CLEC7A: variants seen among roughly 807,000 people sequenced by gnomAD.
CLEC7A encodes C-type lectin domain family 7 member A.
A neutral mutation model predicts 26.9 loss-of-function variants in CLEC7A; 25 were observed. That is an observed-to-expected ratio of 0.93 (90% CI 0.68 to 1.30). The LOEUF (loss-of-function observed/expected upper bound fraction) is 1.30. CLEC7A is among the 50% of genes most tolerant of loss of function. The pLI, the probability that CLEC7A is intolerant of heterozygous loss-of-function variation, is 0.00. For synonymous variants in CLEC7A, 100 were observed against 99.5 expected, an observed-to-expected ratio of 1.01 and a Z score of -0.03; for missense variants, 275 against 286.7, an observed-to-expected ratio of 0.96 and a Z score of 0.29.
intron 1 of CLEC7A, 46 bp from the exon 2 acceptor site, chr12:10,127,891 C>T (rs563778232): frequency 2.0e-5 from 26 of 1,297,140 alleles, no homozygotes; most frequent in East Asian, 1.0e-4. Flanking sequence ...AAGAGAATGA[C>T]GGATGGTGGG....
Position 10,125,372 on chromosome 12 carries a change from A to G in CLEC7A, c.417T>C (p.Asn139=). Residue 139 remains asparagine, a synonymous_variant, in exon 4 of 6, where the codon AAT becomes AAC. Coordinates refer to ENST00000304084, the MANE Select transcript of CLEC7A (RefSeq NM_197947.3). ...KSCYLFSMSL[N]SWDGSKRQCW... ...ATTGTCTTTTACTTCCATCCCAGGA[A>G]TTTAGTGACATGCTGAATAGATAAC... 6.2e-7 allele frequency: 1 copy of G among 1,613,652 alleles called. No individual in the cohort carries two copies. Among genetic ancestry groups the G allele is most frequent in the African/African-American group, 1.3e-5 (1 of 75,032 alleles).
intron 1 of CLEC7A, among the ~76,000 whole-genome samples, chr12:10,128,233 CACACACACACACA>C (rs1948368719): frequency 2.1e-5 from 3 of 144,554 alleles, no homozygotes; most frequent in Non-Finnish European, 4.4e-5. Flanking sequence ...CACACACACA[CACACACACACACA>C]CCACCAACAA....
At position 10,127,495 on chromosome 12, in the gene CLEC7A, C is replaced by G. The variant is rs1484881067; in HGVS notation, c.202+252G>C. 6 of 1,542,434 alleles carry G rather than the reference C, an allele frequency of 3.9e-6. No homozygotes were observed. The Admixed American group carries it at 5.0e-5, about 13-fold the overall frequency. ...TAGTTAAGAGTATGAGTTTTTTAGA[C>G]AGATCACCCAAATTTCTAATCATGG... On this transcript the variant is annotated intron_variant, in intron 2 of 5. Coordinates refer to ENST00000304084, the MANE Select transcript of CLEC7A (RefSeq NM_197947.3).
At chr12:10,122,717 C>A (rs1229461305) in intron 5 of CLEC7A, among the ~76,000 whole-genome samples, 1 of 152,088 alleles carries the variant, frequency 6.6e-6, no homozygotes, top group Non-Finnish European at 1.5e-5. Context: ...TCTCAAACTC[C>A]TGACCTCAAG....
chr12:10,125,276 A>G, intron 4 of CLEC7A, 21 bp downstream of exon 4: 1 of 1,606,762 alleles, frequency 6.2e-7, no homozygotes, highest in Non-Finnish European at 8.5e-7. Context: ...ACAGATAATC[A>G]TAACAGAAGT....
chr12:10,122,484 C>CTTTTTTTTTTTT (rs143612827), intron 5 of CLEC7A, among the ~76,000 whole-genome samples: 193 of 128,678 alleles, frequency 1.5e-3, no homozygotes, highest in African/African-American at 3.9e-3. Flanking sequence ...TTCTTTTTTT[C>CTTTTTTTTTTTT]TTTTTTTTTT....
At position 10,118,589 on chromosome 12, in the gene CLEC7A, A is replaced by G. The variant is rs758931112; in HGVS notation, c.613T>C (p.Phe205Leu). 1.2e-6 allele frequency: 2 copies of G among 1,612,070 alleles called. No individual in the cohort carries two copies. Among genetic ancestry groups the G allele is most frequent in the Admixed American group, 3.4e-5 (2 of 59,548 alleles). Residue 205 changes from phenylalanine to leucine, a missense_variant and splice_region_variant, in exon 6 of 6, where the codon TTT (phenylalanine) becomes CTT (leucine). By Grantham distance (22) the Phe-to-Leu change is conservative. Coordinates refer to ENST00000304084, the MANE Select transcript of CLEC7A (RefSeq NM_197947.3). ...TGGGTAGCTGTGGTTCTGATCTGAAATCTGTTAAAATAGAATACAGTGAGG... is the reference window on the plus strand; with the variant it reads ...TGGGTAGCTGTGGTTCTGATCTGAAGTCTGTTAAAATAGAATACAGTGAGG... ...EDGSTFSSNL[F>L]QIRTTATQEN... is the part of the protein sequence containing the mutation.
At chr12:10,125,124 T>G (rs1405302183) in intron 4 of CLEC7A, 173 bp downstream of exon 4, 1 of 685,904 alleles carries the variant, frequency 1.5e-6, no homozygotes, top group Non-Finnish European at 2.6e-6. Context: ...CACTTGAGCC[T>G]GGGATGTCGC....
In CLEC7A at chr12:10,116,800, A is replaced by C. The variant is rs999467546; in HGVS notation, c.*1658T>G. The C allele has an allele frequency of 2.0e-5, 3 of 151,622 alleles. No homozygotes were observed. Among genetic ancestry groups the C allele is most frequent in the African/African-American group, 4.9e-5 (2 of 40,980 alleles). The allele number at this position is 151,622 out of a possible 1,614,324, so 9.4% of individuals were successfully genotyped here. A position where few individuals can be genotyped will look rare whatever the true frequency, so the allele number is the denominator to read the frequency against. ...GGTTTTTTGATAAGAGTTTTTTTTT[A>C]TTGAAATGAAATCCACATAACATAA... On this transcript the variant is annotated 3_prime_UTR_variant, in exon 6 of 6. Coordinates refer to ENST00000304084, the MANE Select transcript of CLEC7A (RefSeq NM_197947.3).
Position 10,126,043 on chromosome 12 carries a change from T to G in CLEC7A, c.340+528A>C, listed in dbSNP as rs1768986946. On this transcript the variant is annotated intron_variant, in intron 3 of 5. Coordinates refer to ENST00000304084, the MANE Select transcript of CLEC7A (RefSeq NM_197947.3). The stretch of plus-strand genomic sequence containing the variant: ...AAGTGTGTATAGAATTGTAATTAAG[T>G]AAATGAAATTGTATGATTAAACAAA... 8 of 284,782 alleles carry G rather than the reference T, an allele frequency of 2.8e-5. No homozygotes were observed. The Admixed American group carries it at 5.2e-4, about 18-fold the overall frequency. 17.6% of individuals were successfully genotyped at this position (284,782 alleles called of 1,614,324 possible). A position where few individuals can be genotyped will look rare whatever the true frequency, so the allele number is the denominator to read the frequency against.
At chr12:10,122,484 CTTTTT>C (rs143612827) in intron 5 of CLEC7A, among the ~76,000 whole-genome samples, 5 of 128,844 alleles carry the variant, frequency 3.9e-5, no homozygotes, top group African/African-American at 9.4e-5. Flanking sequence ...TTCTTTTTTT[CTTTTT>C]TTTTTTTTTT....
chr12:10,129,979 C>A lies in CLEC7A; in HGVS notation c.103+1G>T, dbSNP rs202068794. On this transcript the variant is annotated splice_donor_variant, in intron 1 of 5. Transcript: ENST00000304084. LOFTEE classifies it high-confidence loss of function. ...ACACATTAGAAAAAACATATATATA[C>A]CTTTCTCTGAAACAACAGCTATCCT... 1.3e-5 allele frequency: 21 copies of A among 1,562,010 alleles called. No individual in the cohort carries two copies. The African/African-American group carries it at 2.6e-4, about 19-fold the overall frequency.
chr12:10,118,621 G>C, intron 5 of CLEC7A, 31 bp from the exon 6 acceptor site: 1 of 1,595,672 alleles, frequency 6.3e-7, no homozygotes, highest in Non-Finnish European at 8.6e-7. Flanking sequence ...GAGGTAATTA[G>C]AACAAATGTT....
At position 10,118,553 on chromosome 12, in the gene CLEC7A, A is replaced by G. The variant is rs1209812592; in HGVS notation, c.649T>C (p.Ser217Pro). ...ACGTGAATCCATACACAATTTGGAG[A>G]TGGGTTTTCTTGGGTAGCTGTGGTT... The part of the protein sequence containing the change: ...IRTTATQENP[S>P]PNCVWIHVSV... The change falls in exon 6 of 6, where the codon TCT becomes CCT. Residue 217 changes from serine to proline, a missense_variant. Ser to Pro is a moderately conservative substitution (Grantham distance 74, BLOSUM62 -1). Transcript: ENST00000304084. 6.2e-7 allele frequency: 1 copy of G among 1,613,430 alleles called. No individual in the cohort carries two copies. The highest frequency in any genetic ancestry group is 1.3e-5 in the African/African-American group (1 of 75,024).
chr12:10,128,246 A>ACACC (rs1214698249), intron 1 of CLEC7A, among the ~76,000 whole-genome samples: 4 of 110,638 alleles, frequency 3.6e-5, no homozygotes, highest in African/African-American at 9.0e-5. Flanking sequence ...ACACACACAC[A>ACACC]CCACCAACAA....
chr12:10,123,692 C>T (rs1272538996), intron 4 of CLEC7A, among the ~76,000 whole-genome samples: 1 of 137,816 alleles, frequency 7.3e-6, no homozygotes, highest in Non-Finnish European at 1.5e-5. Context: ...ACCCGGGAAG[C>T]GGAGCTTGCA....
chr12:10,126,803 A>G, intron 2 of CLEC7A, 95 bp from the exon 3 acceptor site: 2 of 958,582 alleles, frequency 2.1e-6, no homozygotes, highest in Non-Finnish European at 3.1e-6. Context: ...ATTGGAATAA[A>G]AGAATACATT....
In CLEC7A at chr12:10,118,483, A is replaced by G. The variant is rs1219119993; in HGVS notation, c.719T>C (p.Ile240Thr). ...TTACATTGAAAACTTCTTCTCACAA[A>G]TACTATATGAGGGCACACTACACAG... The part of the protein sequence containing the change: ...DQLCSVPSYS[I>T]CEKKFSM Residue 240 changes from isoleucine to threonine, a missense_variant, in exon 6 of 6, where the codon ATT becomes ACT. Transcript: ENST00000304084. 6.2e-7 allele frequency: 1 copy of G among 1,611,214 alleles called. No individual in the cohort carries two copies. Among genetic ancestry groups the G allele is most frequent in the Non-Finnish European group, 8.5e-7 (1 of 1,177,554 alleles).
intron 4 of CLEC7A, chr12:10,125,006 A>G (rs58677678): frequency 0.068 from 23,598 of 344,566 alleles, 927 homozygotes; most frequent in African/African-American, 0.093. Context: ...AGACCAGCCC[A>G]GATGATATGG....
Sources: gnomAD v4.1 joint callset for allele counts (sites outside exome capture counted in the v4.1 genomes callset) on GRCh38, gnomAD v4.1.1 for gene constraint, MANE v1.5 for transcripts, NCBI Gene and HGNC (gene_info 2026-07-23, HGNC 2026-07-21) for gene names.